The following DENND2B variants were observed in gnomAD, a reference collection of about 807,000 sequenced individuals.
DENND2B encodes the protein DENN domain-containing protein 2B.
Under a neutral mutation model 116.0 loss-of-function variants are expected in DENND2B, and 32 were observed. The ratio of observed to expected loss-of-function variants is 0.28; its 90% CI spans 0.21 to 0.37. DENND2B has a LOEUF of 0.37. DENND2B is among the 10% of genes least tolerant of loss of function. The pLI is 1.00. For synonymous variants in DENND2B, 588 were observed against 583.9 expected, an observed-to-expected ratio of 1.01 and a Z score of -0.10; for missense variants, 1,276 against 1,477.7, an observed-to-expected ratio of 0.86 and a Z score of 2.24.
chr11:8,753,652 T>TA (rs1485118446), intron 1 of DENND2B, among the ~76,000 whole-genome samples: 6 of 150,772 alleles, frequency 4.0e-5, no homozygotes, highest in Middle Eastern at 6.8e-3. Context: ...AGTTGCCAAT[T>TA]AAAAAAAAAT....
chr11:8,852,624 A>C (rs150147105), intron 3 of DENND2B, among the ~76,000 whole-genome samples: 109 of 152,346 alleles, frequency 7.2e-4, no homozygotes, highest in Middle Eastern at 3.4e-3. Context: ...AGTGGTAGTT[A>C]TAACAATGTA....
intron 1 of DENND2B, chr11:8,776,158 G>GCACACACACACACACACACACACACA (rs756959704): frequency 3.2e-5 from 11 of 338,518 alleles, no homozygotes; most frequent in African/African-American, 2.2e-4. Context: ...ACGCGCGCGC[G>GCACACACACACACACACACACACACA]CGCACACACA....
intron 1 of DENND2B, among the ~76,000 whole-genome samples, chr11:8,788,269 G>T (rs1340754894): frequency 1.3e-5 from 2 of 152,066 alleles, no homozygotes; most frequent in Admixed American, 6.6e-5. Flanking sequence ...GATCCCTCAG[G>T]GATAAAACAG....
intron 2 of DENND2B, among the ~76,000 whole-genome samples, chr11:8,738,930 G>A (rs1182514010): frequency 6.6e-6 from 1 of 152,106 alleles, no homozygotes; most frequent in Non-Finnish European, 1.5e-5. Flanking sequence ...CCTATGCAGA[G>A]GCCTCCACTG....
intron 13 of DENND2B, among the ~76,000 whole-genome samples, chr11:8,704,448 T>C (rs2042239475): frequency 6.6e-6 from 1 of 152,218 alleles, no homozygotes; most frequent in Non-Finnish European, 1.5e-5. Flanking sequence ...CCAGGCATGA[T>C]GCTGCGCTAT....
chr11:8,720,242 CT>C (rs1176402685), intron 4 of DENND2B, among the ~76,000 whole-genome samples: 1 of 152,024 alleles, frequency 6.6e-6, no homozygotes, highest in Non-Finnish European at 1.5e-5. Context: ...GACTAGCCCT[CT>C]TTTTTTTCCA....
At chr11:8,831,591 G>C (rs749954405) in intron 4 of DENND2B, 2 of 152,348 alleles carry the variant, frequency 1.3e-5, no homozygotes, top group African/African-American at 4.8e-5. Flanking sequence ...ACACAGTGGG[G>C]TGGCTTGCTC....
chr11:8,707,236 C>A lies in DENND2B; in HGVS notation c.2431-11G>T, dbSNP rs936290441. 6.2e-7 allele frequency: 1 copy of A among 1,605,722 alleles called. No individual in the cohort carries two copies. The highest frequency in any genetic ancestry group is 2.2e-5 in the East Asian group (1 of 44,662). ...CACCTCATCTAGGACCTGTGCCCAC[C>A]GCCAGCAGCCCAAAGAGGAAGGGTG... is the stretch of plus-strand genomic sequence containing the variant. On this transcript the variant is annotated splice_polypyrimidine_tract_variant and intron_variant, in intron 12 of 19. Coordinates refer to ENST00000313726, the MANE Select transcript of DENND2B (RefSeq NM_213618.2). The surrounding 1 kb of genome is among the most constrained non-coding windows in gnomAD (Gnocchi z 4.8).
chr11:8,714,672 T>C lies in DENND2B; in HGVS notation c.1880A>G (p.Lys627Arg), dbSNP rs1384526779. The change falls in exon 7 of 20, where the codon AAG becomes AGG. Residue 627 changes from lysine (K) to arginine (R), a missense_variant. Lys to Arg is a conservative substitution (Grantham distance 26). Coordinates refer to ENST00000313726, the MANE Select transcript of DENND2B (RefSeq NM_213618.2). Reference protein sequence around the residue: ...VQRINSIYNAKRGKKRLKKLS... With the variant: ...VQRINSIYNARRGKKRLKKLS... ...CTTTTTTAATCTCTTCTTTCCTCTC[T>C]TGGCATTGTAGATGGAGTTAATTCT... 1.2e-6 allele frequency: 2 copies of C among 1,614,098 alleles called. No individual in the cohort carries two copies. The highest frequency in any genetic ancestry group is 1.3e-5 in the African/African-American group (1 of 74,938).
At chr11:8,801,005 C>T (rs1156748708) in intron 1 of DENND2B, among the ~76,000 whole-genome samples, 1 of 151,098 alleles carries the variant, frequency 6.6e-6, no homozygotes, top group Non-Finnish European at 1.5e-5. Flanking sequence ...CCTCTTACTG[C>T]CTTAGCCACA....
At chr11:8,866,695 C>G (rs2063593250) in intron 2 of DENND2B, among the ~76,000 whole-genome samples, 1 of 152,208 alleles carries the variant, frequency 6.6e-6, no homozygotes, top group Non-Finnish European at 1.5e-5. Flanking sequence ...GAAAACTGAG[C>G]TCAGAGATCT....
At chr11:8,902,505 G>C (rs2064183096) in intron 1 of DENND2B, among the ~76,000 whole-genome samples, 2 of 152,156 alleles carry the variant, frequency 1.3e-5, no homozygotes, top group South Asian at 4.1e-4. Context: ...TTGTGATTCT[G>C]ATATGCCCCA....
upstream of DENND2B, among the ~76,000 whole-genome samples, chr11:8,813,800 G>A (rs1433415155): frequency 6.6e-6 from 1 of 152,098 alleles, no homozygotes; most frequent in Non-Finnish European, 1.5e-5. Flanking sequence ...GTTCCTTAGG[G>A]CCTTGTCCTG....
At chr11:8,798,715 C>A (rs913046268) in intron 1 of DENND2B, among the ~76,000 whole-genome samples, 2 of 152,078 alleles carry the variant, frequency 1.3e-5, no homozygotes, top group Non-Finnish European at 2.9e-5. Context: ...AAAAACCCAC[C>A]TGGGTTTACC....
Position 8,718,020 on chromosome 11 carries a change from T to C in DENND2B, c.1478-128A>G, listed in dbSNP as rs1363142184. The C allele has an allele frequency of 8.7e-6, 9 of 1,036,426 alleles. No individual in the cohort carries two copies. In the Admixed American group the frequency reaches 1.6e-4, roughly 18 times the overall value. 64.2% of individuals were successfully genotyped at this position (1,036,426 alleles called of 1,614,324 possible). On this transcript the variant is annotated intron_variant, in intron 4 of 19. Transcript: ENST00000313726. ...AATGGCTTCTGCCTGGCCCCTCAGC[T>C]CATGAGTCATGCAGCTGCCCGTCTG...
chr11:8,736,612 C>T (rs1324998130), intron 2 of DENND2B, among the ~76,000 whole-genome samples: 1 of 152,156 alleles, frequency 6.6e-6, no homozygotes, highest in Non-Finnish European at 1.5e-5. Flanking sequence ...CCAGGGGACA[C>T]ATGAACACAA....
chr11:8,716,666 G>C (rs1240089603), intron 5 of DENND2B, among the ~76,000 whole-genome samples: 1 of 120,548 alleles, frequency 8.3e-6, no homozygotes, highest in Non-Finnish European at 1.8e-5. Flanking sequence ...TTTTTTTTTT[G>C]AGACGGAGTC....
chr11:8,823,021 A>C (rs1467263199), intron 4 of DENND2B, among the ~76,000 whole-genome samples: 1 of 152,222 alleles, frequency 6.6e-6, no homozygotes, highest in Non-Finnish European at 1.5e-5. Flanking sequence ...TTACTATATA[A>C]TTATTGTAGG....
chr11:8,806,631 CA>C, intron 1 of DENND2B, among the ~76,000 whole-genome samples: 1 of 151,766 alleles, frequency 6.6e-6, no homozygotes, highest in East Asian at 1.9e-4. Flanking sequence ...CACACACACA[CA>C]CACACACCCA....
Sources: allele counts gnomAD v4.1 joint callset (sites outside exome capture counted in the v4.1 genomes callset), GRCh38; gene constraint gnomAD v4.1.1; non-coding constraint Gnocchi (gnomAD v3.1); transcripts MANE v1.5; gene names NCBI Gene and HGNC (gene_info 2026-07-23, HGNC 2026-07-21).